The following CAMKMT variants were observed in gnomAD, a reference collection of about 807,000 sequenced individuals.
CAMKMT encodes the protein calmodulin-lysine N-methyltransferase, also known as CaM KMT.
Under a neutral mutation model 48.0 loss-of-function variants are expected in CAMKMT, and 53 were observed. That is an observed-to-expected ratio of 1.10 (90% confidence interval 0.89 to 1.39). The LOEUF (loss-of-function observed/expected upper bound fraction) is 1.39. Among genes scored for constraint, CAMKMT ranks in the 40% most tolerant of loss-of-function variants. CAMKMT has a pLI of 0.00. For missense variants in CAMKMT, 428 were observed against 402.7 expected, an observed-to-expected ratio of 1.06 and a Z score of -0.54; for synonymous variants, 165 against 152.3, an observed-to-expected ratio of 1.08 and a Z score of -0.61.
intron 3 of CAMKMT, among the ~76,000 whole-genome samples, chr2:44,491,918 A>G (rs1326763442): frequency 6.6e-6 from 1 of 152,180 alleles, no homozygotes; most frequent in South Asian, 2.1e-4. Flanking sequence ...TTTTTTAATC[A>G]ATTAAGTAAT....
chr2:44,422,037 T>A lies in CAMKMT; in HGVS notation c.376+31732T>A, dbSNP rs769956245. Among the ~76,000 whole-genome samples, 6 of 152,170 alleles carry A rather than the reference T, an allele frequency of 3.9e-5. No homozygotes were observed. The East Asian group carries it at 7.8e-4, about 20-fold the overall frequency. On this transcript the variant is annotated intron_variant, in intron 3 of 10. Coordinates refer to ENST00000378494, the MANE Select transcript of CAMKMT (RefSeq NM_024766.5). ...CTGCATGATACAGTTTGGATATATGTCCCTGTCAAATCTCACATTGAAATG... is the reference window on the plus strand; with the variant it reads ...CTGCATGATACAGTTTGGATATATGACCCTGTCAAATCTCACATTGAAATG...
chr2:44,475,747 T>TAAA (rs1558644060), intron 3 of CAMKMT, among the ~76,000 whole-genome samples: 2 of 152,290 alleles, frequency 1.3e-5, no homozygotes, highest in Non-Finnish European at 2.9e-5. Flanking sequence ...AAATTTTATT[T>TAAA]AAAAAAGAAA....
chr2:44,728,165 A>G (rs1678890682), intron 7 of CAMKMT, among the ~76,000 whole-genome samples: 1 of 152,142 alleles, frequency 6.6e-6, no homozygotes, highest in Non-Finnish European at 1.5e-5. Flanking sequence ...GACTCAAGAA[A>G]TCCTCCTGCC....
intron 3 of CAMKMT, among the ~76,000 whole-genome samples, chr2:44,443,482 A>G (rs2104569030): frequency 6.6e-6 from 1 of 152,242 alleles, no homozygotes; most frequent in South Asian, 2.1e-4. Context: ...AGAACTACTT[A>G]GCATTTTCTT....
chr2:44,646,548 G>A (rs779842073), intron 3 of CAMKMT, among the ~76,000 whole-genome samples: 1 of 152,090 alleles, frequency 6.6e-6, no homozygotes, highest in Non-Finnish European at 1.5e-5. Flanking sequence ...CTAGATGTGC[G>A]AAGTCCTGTC....
intron 3 of CAMKMT, among the ~76,000 whole-genome samples, chr2:44,598,929 C>G (rs13389981): frequency 5.9e-5 from 9 of 151,316 alleles, no homozygotes; most frequent in African/African-American, 2.2e-4. Context: ...AGTAATCACA[C>G]GTGTCGGTAA....
At chr2:44,511,683 A>G (rs1670564858) in intron 3 of CAMKMT, among the ~76,000 whole-genome samples, 1 of 152,174 alleles carries the variant, frequency 6.6e-6, no homozygotes, top group African/African-American at 2.4e-5. Context: ...GTAAAAAGGT[A>G]CTTCAACTGA....
intron 3 of CAMKMT, among the ~76,000 whole-genome samples, chr2:44,440,684 G>C (rs1666598600): frequency 1.3e-5 from 2 of 152,124 alleles, no homozygotes; most frequent in African/African-American, 4.8e-5. Flanking sequence ...GGACAGGAAT[G>C]ATATAGAGTA....
intron 3 of CAMKMT, among the ~76,000 whole-genome samples, chr2:44,640,279 C>T (rs1255028323): frequency 1.3e-5 from 2 of 152,266 alleles, no homozygotes; most frequent in South Asian, 2.1e-4. Flanking sequence ...TTTAACAATA[C>T]AATACAAAGA....
intron 3 of CAMKMT, among the ~76,000 whole-genome samples, chr2:44,473,442 T>C (rs1215871039): frequency 6.6e-6 from 1 of 152,216 alleles, no homozygotes; most frequent in Non-Finnish European, 1.5e-5. Context: ...CAGAATTTTT[T>C]TTAAAAACAG....
intron 1 of CAMKMT, among the ~76,000 whole-genome samples, chr2:44,364,483 G>C (rs1169826764): frequency 1.3e-5 from 2 of 152,024 alleles, no homozygotes; most frequent in Non-Finnish European, 2.9e-5. Flanking sequence ...TTTCTTACTA[G>C]AATGGGCATT....
At chr2:44,697,268 G>A (rs141467439) in intron 3 of CAMKMT, among the ~76,000 whole-genome samples, 2 of 152,154 alleles carry the variant, frequency 1.3e-5, no homozygotes, top group Admixed American at 6.5e-5. Context: ...ACACTAAAAT[G>A]AGGGAATAAA....
At chr2:44,528,077 A>T (rs541339065) in intron 3 of CAMKMT, among the ~76,000 whole-genome samples, 5 of 152,272 alleles carry the variant, frequency 3.3e-5, no homozygotes, top group South Asian at 4.1e-4. Flanking sequence ...TTGAGAGATT[A>T]TTTGGTGCAG....
chr2:44,758,093 G>T (rs529012273), intron 9 of CAMKMT, among the ~76,000 whole-genome samples: 17 of 152,314 alleles, frequency 1.1e-4, no homozygotes, highest in Non-Finnish European at 2.2e-4. Context: ...CCCACGGAGT[G>T]GGGGAGAGTA....
At chr2:44,608,505 A>G (rs533134558) in intron 3 of CAMKMT, among the ~76,000 whole-genome samples, 34 of 152,312 alleles carry the variant, frequency 2.2e-4, no homozygotes, top group African/African-American at 8.2e-4. Context: ...TATCGTATCC[A>G]TCATCTCAAA....
At chr2:44,568,769 G>T (rs1193029089) in intron 3 of CAMKMT, among the ~76,000 whole-genome samples, 1 of 152,160 alleles carries the variant, frequency 6.6e-6, no homozygotes, top group Non-Finnish European at 1.5e-5. Context: ...AGTGACATGT[G>T]CAGCCCCTGC....
chr2:44,523,066 G>A (rs565344829), intron 3 of CAMKMT, among the ~76,000 whole-genome samples: 1 of 152,036 alleles, frequency 6.6e-6, no homozygotes, highest in East Asian at 1.9e-4. Flanking sequence ...CTAATGCCAT[G>A]TGTTTTAGAT....
intron 3 of CAMKMT, among the ~76,000 whole-genome samples, chr2:44,527,790 C>CCG (rs1486645845): frequency 2.3e-5 from 3 of 131,152 alleles, no homozygotes; most frequent in Non-Finnish European, 5.0e-5. Flanking sequence ...GTACAGCCCC[C>CCG]CCCCCCATTA....
intron 3 of CAMKMT, among the ~76,000 whole-genome samples, chr2:44,696,227 G>A (rs1458123176): frequency 6.6e-6 from 1 of 152,208 alleles, no homozygotes; most frequent in Non-Finnish European, 1.5e-5. Flanking sequence ...ACAGGCGTGA[G>A]CCACTGTGCC....
Sources: gnomAD v4.1 joint callset for allele counts (sites outside exome capture counted in the v4.1 genomes callset) on GRCh38, gnomAD v4.1.1 for gene constraint, MANE v1.5 for transcripts, NCBI Gene and HGNC (gene_info 2026-07-23, HGNC 2026-07-21) for gene names.